The following ERBB4 variants were observed in gnomAD, a reference collection of about 807,000 sequenced individuals.
The protein encoded by ERBB4 is receptor tyrosine-protein kinase erbB-4.
Under a neutral mutation model 158.0 loss-of-function variants are expected in ERBB4, and 42 were observed. The observed-to-expected ratio is 0.27, with a 90% confidence interval of 0.21 to 0.34. The LOEUF (loss-of-function observed/expected upper bound fraction) is 0.34. ERBB4 is among the 10% of genes least tolerant of loss of function. The pLI is 1.00. For missense variants in ERBB4, 1,333 were observed against 1,624.1 expected, an observed-to-expected ratio of 0.82 and a Z score of 3.08; for synonymous variants, 583 against 558.7, an observed-to-expected ratio of 1.04 and a Z score of -0.61.
intron 18 of ERBB4, 28 bp downstream of exon 18, chr2:211,623,894 C>T (rs2125857667): frequency 6.2e-7 from 1 of 1,612,522 alleles, no homozygotes; most frequent in Non-Finnish European, 8.5e-7. Context: ...CAAAACTTAA[C>T]TAACGATATG....
At chr2:212,372,156 C>T (rs1033569832) in intron 1 of ERBB4, among the ~76,000 whole-genome samples, 7 of 152,054 alleles carry the variant, frequency 4.6e-5, no homozygotes, top group African/African-American at 1.7e-4. Flanking sequence ...CTTTTCCTTA[C>T]TTAATCGATA....
intron 12 of ERBB4, among the ~76,000 whole-genome samples, chr2:211,683,174 T>A (rs2072425304): frequency 6.6e-6 from 1 of 151,988 alleles, no homozygotes; most frequent in Non-Finnish European, 1.5e-5. Context: ...AGAGATACCG[T>A]GTTATAGATA....
In ERBB4 at chr2:211,767,620, C is replaced by T. The variant is rs12473355; in HGVS notation, c.557-16916G>A. Among the ~76,000 whole-genome samples, 1,199 of 152,224 alleles carry T rather than the reference C, an allele frequency of 7.9e-3. 49 individuals are homozygous for T. The highest frequency in any genetic ancestry group is 0.067 in the East Asian group (348 of 5,164). On this transcript the variant is annotated intron_variant, in intron 4 of 27. Transcript: ENST00000342788. ...ATGGCGGAAGGGGAAGCAAACACAT[C>T]CATCTTCACATGGTGGTAGGAAGGA...
intron 1 of ERBB4, among the ~76,000 whole-genome samples, chr2:212,519,826 TAGG>T (rs1692053000): frequency 6.6e-6 from 1 of 151,826 alleles, no homozygotes; most frequent in Non-Finnish European, 1.5e-5. Flanking sequence ...TATAGCTAGA[TAGG>T]AATAAAGTTC....
chr2:211,948,762 A>C (rs527866853), intron 2 of ERBB4, among the ~76,000 whole-genome samples: 1 of 152,198 alleles, frequency 6.6e-6, no homozygotes, highest in South Asian at 2.1e-4. Flanking sequence ...AGATGCTCCA[A>C]GGCTGTTTTT....
intron 2 of ERBB4, among the ~76,000 whole-genome samples, chr2:211,972,694 C>A (rs1398501484): frequency 1.3e-5 from 2 of 152,156 alleles, no homozygotes; most frequent in African/African-American, 4.8e-5. Context: ...GGATAACTGG[C>A]CAGCCATATG....
At chr2:211,458,294 G>A (rs915702059) in intron 20 of ERBB4, among the ~76,000 whole-genome samples, 3 of 150,506 alleles carry the variant, frequency 2.0e-5, no homozygotes, top group Non-Finnish European at 4.4e-5. Context: ...TTGAGACAAT[G>A]TCTTGCTCTG....
intron 20 of ERBB4, among the ~76,000 whole-genome samples, chr2:211,532,156 G>T (rs550153713): frequency 6.6e-6 from 1 of 151,596 alleles, no homozygotes; most frequent in Non-Finnish European, 1.5e-5. Context: ...GGTTGTGGGG[G>T]GGGAAAGTAG....
chr2:212,069,852 T>C (rs1351669964), intron 2 of ERBB4, among the ~76,000 whole-genome samples: 1 of 151,974 alleles, frequency 6.6e-6, no homozygotes, highest in Non-Finnish European at 1.5e-5. Context: ...GTACGGTGGC[T>C]CCTGTCTATT....
intron 5 of ERBB4, among the ~76,000 whole-genome samples, chr2:211,741,622 TC>T (rs974367928): frequency 2.9e-4 from 44 of 152,218 alleles, no homozygotes; most frequent in African/African-American, 1.0e-3. Flanking sequence ...TTTGATCATT[TC>T]CAACATTCCT....
At chr2:211,772,940 T>TACACGCAC (rs1172044868) in intron 4 of ERBB4, among the ~76,000 whole-genome samples, 1 of 92,180 alleles carries the variant, frequency 1.1e-5, no homozygotes, top group African/African-American at 6.0e-5. Flanking sequence ...TATATATATA[T>TACACGCAC]ATATATATAT....
At chr2:212,451,270 T>A (rs537070540) in intron 1 of ERBB4, among the ~76,000 whole-genome samples, 2 of 152,214 alleles carry the variant, frequency 1.3e-5, no homozygotes, top group Non-Finnish European at 2.9e-5. Flanking sequence ...GAAAAGTTCA[T>A]ATTTGCACTG....
chr2:212,071,247 C>T (rs576105800), intron 2 of ERBB4, among the ~76,000 whole-genome samples: 35 of 151,416 alleles, frequency 2.3e-4, no homozygotes, highest in Non-Finnish European at 2.5e-4. Flanking sequence ...CTGGTCCATA[C>T]CTATATTTCT....
intron 1 of ERBB4, among the ~76,000 whole-genome samples, chr2:212,353,261 C>T (rs1187841792): frequency 6.6e-5 from 10 of 151,218 alleles, no homozygotes; most frequent in African/African-American, 2.4e-4. Flanking sequence ...TATCATTATA[C>T]AATACAAAAT....
At chr2:212,309,601 T>C (rs2086947956) in intron 1 of ERBB4, among the ~76,000 whole-genome samples, 1 of 150,636 alleles carries the variant, frequency 6.6e-6, no homozygotes, top group South Asian at 2.1e-4. Flanking sequence ...AGAAAGCAAA[T>C]AAGTACTCTT....
intron 1 of ERBB4, among the ~76,000 whole-genome samples, chr2:212,234,787 A>T (rs1242609131): frequency 6.6e-6 from 1 of 152,090 alleles, no homozygotes; most frequent in East Asian, 1.9e-4. Context: ...TTCTTTTGAG[A>T]AATGTCTGTT....
intron 25 of ERBB4, among the ~76,000 whole-genome samples, chr2:211,403,073 G>A (rs1217474311): frequency 6.6e-6 from 1 of 151,950 alleles, no homozygotes; most frequent in Non-Finnish European, 1.5e-5. Flanking sequence ...TCATTTTTGT[G>A]TTCTCTTTCT....
At chr2:211,949,719 G>A (rs1245435458) in intron 2 of ERBB4, among the ~76,000 whole-genome samples, 1 of 151,958 alleles carries the variant, frequency 6.6e-6, no homozygotes, top group Non-Finnish European at 1.5e-5. Context: ...CTTTCATCTT[G>A]TTATCTTCTT....
chr2:212,425,761 A>C (rs2091899619), intron 1 of ERBB4, among the ~76,000 whole-genome samples: 1 of 151,988 alleles, frequency 6.6e-6, no homozygotes, highest in African/African-American at 2.4e-5. Flanking sequence ...AACATCTTTT[A>C]AATCACTGTC....
Sources: allele counts gnomAD v4.1 joint callset (sites outside exome capture counted in the v4.1 genomes callset), GRCh38; gene constraint gnomAD v4.1.1; transcripts MANE v1.5; gene names NCBI Gene and HGNC (gene_info 2026-07-23, HGNC 2026-07-21).